Variants in CYP7B1 observed in about 807,000 individuals in gnomAD.
CYP7B1 encodes the protein cytochrome P450 family 7 subfamily B member 1.
A neutral mutation model predicts 42.7 loss-of-function variants in CYP7B1; 29 were observed. That is an observed-to-expected ratio of 0.68 (90% CI 0.51 to 0.93). The LOEUF (loss-of-function observed/expected upper bound fraction) is 0.93. Among genes scored for constraint, CYP7B1 ranks in the 40% least tolerant of loss-of-function variants. The probability of loss-of-function intolerance (pLI) is 0.00; values close to 1 mark genes in which losing one functional copy is unlikely to be tolerated. For missense variants in CYP7B1, 655 were observed against 600.5 expected, an observed-to-expected ratio of 1.09 and a Z score of -0.95; for synonymous variants, 235 against 218.2, an observed-to-expected ratio of 1.08 and a Z score of -0.68.
chr8:64,798,190 G>A lies in CYP7B1; in HGVS notation c.122+276C>T, dbSNP rs1804735735. ...GTGGCAAGGCACACAATGTGTCTGT[G>A]ATGCATAATGCATACCGCCAACCTA... On this transcript the variant is annotated intron_variant, in intron 1 of 5. Coordinates refer to ENST00000310193, the MANE Select transcript of CYP7B1 (RefSeq NM_004820.5). 2.0e-5 allele frequency among the ~76,000 whole-genome samples: 3 copies of A among 152,246 alleles called. No individual in the cohort carries two copies. In the South Asian group the frequency reaches 6.2e-4, roughly 31 times the overall value.
chr8:64,588,646 A>G (rs966971816), downstream of CYP7B1, among the ~76,000 whole-genome samples: 4 of 152,240 alleles, frequency 2.6e-5, no homozygotes, highest in African/African-American at 4.8e-5. Flanking sequence ...AGAGATAAAC[A>G]ATCTCTGATT....
At chr8:64,670,013 T>A (rs1806341453) in intron 1 of CYP7B1, among the ~76,000 whole-genome samples, 1 of 152,224 alleles carries the variant, frequency 6.6e-6, no homozygotes, top group Non-Finnish European at 1.5e-5. Context: ...AAGCAGTGTT[T>A]CAGGACTTAA....
intron 3 of CYP7B1, 113 bp downstream of exon 3, chr8:64,615,578 A>G: frequency 9.9e-7 from 1 of 1,015,142 alleles, no homozygotes; most frequent in Non-Finnish European, 1.5e-6. Context: ...TTTTATCATT[A>G]GCCAATTAGA....
intron 1 of CYP7B1, among the ~76,000 whole-genome samples, chr8:64,778,765 A>G (rs1467474256): frequency 4.6e-5 from 7 of 152,056 alleles, no homozygotes; most frequent in Non-Finnish European, 1.0e-4. Flanking sequence ...CCTGGCTACT[A>G]CCCTTATGTC....
chr8:64,649,658 C>T (rs1302643762), intron 1 of CYP7B1, among the ~76,000 whole-genome samples: 1 of 152,152 alleles, frequency 6.6e-6, no homozygotes, highest in Non-Finnish European at 1.5e-5. Flanking sequence ...ATGGTTGGAC[C>T]ATTTGGCATT....
chr8:64,680,503 T>C (rs1806519930), intron 1 of CYP7B1, among the ~76,000 whole-genome samples: 1 of 152,050 alleles, frequency 6.6e-6, no homozygotes, highest in Admixed American at 6.6e-5. Context: ...ACCTTCTGTG[T>C]CCTGTGGCAC....
intron 1 of CYP7B1, among the ~76,000 whole-genome samples, chr8:64,644,081 T>C (rs1805909505): frequency 6.6e-6 from 1 of 152,106 alleles, no homozygotes; most frequent in South Asian, 2.1e-4. Flanking sequence ...AAGACCAGCC[T>C]GACCAATATG....
In CYP7B1 at chr8:64,615,999, T is replaced by C. The variant is rs750376946; in HGVS notation, c.542A>G (p.Tyr181Cys). Reference sequence around the variant, plus strand: ...AAATATTATTGAGCTGCAGAATGGATACAGTTCTGCCGTGTCCCAACTTGT... The same window carrying C: ...AAATATTATTGAGCTGCAGAATGGACACAGTTCTGCCGTGTCCCAACTTGT... ...KTTSWDTAEL[Y>C]PFCSSIIFEI... The change falls in exon 3 of 6, where the codon TAT becomes TGT. Residue 181 changes from tyrosine to cysteine, a missense_variant. By Grantham distance (194) the Tyr-to-Cys change is radical. Coordinates refer to ENST00000310193, the MANE Select transcript of CYP7B1 (RefSeq NM_004820.5). 1.9e-6 allele frequency: 3 copies of C among 1,613,788 alleles called. No individual in the cohort carries two copies. Among genetic ancestry groups the C allele is most frequent in the Non-Finnish European group, 2.5e-6 (3 of 1,179,832 alleles).
At chr8:64,743,641 A>C (rs1350981528) in intron 1 of CYP7B1, among the ~76,000 whole-genome samples, 1 of 151,862 alleles carries the variant, frequency 6.6e-6, no homozygotes, top group Non-Finnish European at 1.5e-5. Flanking sequence ...TTCTGTGTGT[A>C]CCTCCTTTTA....
At chr8:64,755,176 TGC>T (rs1371996306) in intron 1 of CYP7B1, among the ~76,000 whole-genome samples, 2 of 152,182 alleles carry the variant, frequency 1.3e-5, no homozygotes, top group Non-Finnish European at 2.9e-5. Flanking sequence ...TATGTGTGTG[TGC>T]GTGCATGTGT....
At chr8:64,766,808 A>T (rs1183561931) in intron 1 of CYP7B1, among the ~76,000 whole-genome samples, 1 of 152,174 alleles carries the variant, frequency 6.6e-6, no homozygotes, top group East Asian at 1.9e-4. Context: ...TGCCCAGGGC[A>T]AGCGCCAGCC....
chr8:64,718,722 C>A (rs114516994), intron 1 of CYP7B1, among the ~76,000 whole-genome samples: 1,685 of 152,288 alleles, frequency 0.011, 40 homozygotes, highest in African/African-American at 0.038. Flanking sequence ...CCATTCCAGG[C>A]AGACTAGGTC....
chr8:64,777,105 G>C (rs1357011620), intron 1 of CYP7B1, among the ~76,000 whole-genome samples: 1 of 149,766 alleles, frequency 6.7e-6, no homozygotes, highest in Non-Finnish European at 1.5e-5. Flanking sequence ...CTTAGCAATA[G>C]GTGAGGAAAG....
chr8:64,653,795 T>C (rs1334996916), intron 1 of CYP7B1, among the ~76,000 whole-genome samples: 1 of 152,196 alleles, frequency 6.6e-6, no homozygotes, highest in East Asian at 1.9e-4. Context: ...AAAAAGTTAA[T>C]ATACCATGAC....
In CYP7B1 at chr8:64,616,151, T is replaced by G; in HGVS notation, c.390A>C (p.Lys130Asn). 1.9e-6 allele frequency: 3 copies of G among 1,613,640 alleles called. No individual in the cohort carries two copies. In the South Asian group the frequency reaches 3.3e-5, roughly 18 times the overall value. ...EKAFSISQLQ[K>N]NHDMNDELHL... ...GAAGCTCATCATTCATGTCATGATT[T>G]TTTTGCAACTGACTGATGCTAAATG... Residue 130 changes from lysine to asparagine, a missense_variant, in exon 3 of 6, where the codon AAA (lysine) becomes AAC (asparagine). By Grantham distance (94) the Lys-to-Asn change is moderately conservative. Transcript: ENST00000310193.
At chr8:64,699,900 A>AT (rs2129632407) in intron 1 of CYP7B1, among the ~76,000 whole-genome samples, 1 of 152,248 alleles carries the variant, frequency 6.6e-6, no homozygotes, top group South Asian at 2.1e-4. Context: ...CACTGAATGA[A>AT]ATATGAGTTG....
chr8:64,592,622 G>C lies in CYP7B1; in HGVS notation c.*4020C>G, dbSNP rs1304844528. Among the ~76,000 whole-genome samples, 1 of 152,178 alleles carries C rather than the reference G, an allele frequency of 6.6e-6. No individual in the cohort carries two copies. Among genetic ancestry groups the C allele is most frequent in the Non-Finnish European group, 1.5e-5 (1 of 68,024 alleles). ...AATGACTATAAAAAACGATTCCCTT[G>C]AACAATACACAAGAGCAATTTTTTA... On this transcript the variant is annotated 3_prime_UTR_variant, in exon 6 of 6. Transcript: ENST00000310193.
At chr8:64,597,268 A>C (rs561059288) in intron 5 of CYP7B1, among the ~76,000 whole-genome samples, 42 of 152,184 alleles carry the variant, frequency 2.8e-4, no homozygotes, top group Non-Finnish European at 5.0e-4. Context: ...TGATTATACC[A>C]ATGTTAGGTA....
intron 1 of CYP7B1, among the ~76,000 whole-genome samples, chr8:64,672,016 A>G (rs1026622442): frequency 6.6e-6 from 1 of 152,190 alleles, no homozygotes; most frequent in African/African-American, 2.4e-5. Context: ...TGAAGCCATG[A>G]CATTTAAGCT....
Sources: allele counts gnomAD v4.1 joint callset (sites outside exome capture counted in the v4.1 genomes callset), GRCh38; gene constraint gnomAD v4.1.1; transcripts MANE v1.5; gene names NCBI Gene and HGNC (gene_info 2026-07-23, HGNC 2026-07-21).